SH3RF3: variants seen among roughly 807,000 people sequenced by gnomAD.
SH3RF3 encodes the protein SH3 domain containing ring finger 3.
A neutral mutation model predicts 66.3 loss-of-function variants in SH3RF3; 29 were observed. The ratio of observed to expected loss-of-function variants is 0.44; its 90% CI spans 0.33 to 0.60. The LOEUF is 0.60. SH3RF3 is among the 20% of genes least tolerant of loss of function. The probability of loss-of-function intolerance (pLI) is 0.04; values close to 1 mark genes in which losing one functional copy is unlikely to be tolerated. For missense variants in SH3RF3, 1,194 were observed against 1,190.9 expected, an observed-to-expected ratio of 1.00 and a Z score of -0.04; for synonymous variants, 583 against 532.0, an observed-to-expected ratio of 1.10 and a Z score of -1.32.
intron 8 of SH3RF3, among the ~76,000 whole-genome samples, chr2:109,459,391 A>G (rs1174419342): frequency 6.6e-6 from 1 of 152,140 alleles, no homozygotes; most frequent in Non-Finnish European, 1.5e-5. Flanking sequence ...AAAGCGCCTC[A>G]TCTGGGCATG....
intron 1 of SH3RF3, among the ~76,000 whole-genome samples, chr2:109,162,082 TCTG>T (rs1677503086): frequency 6.6e-6 from 1 of 152,190 alleles, no homozygotes; most frequent in Non-Finnish European, 1.5e-5. Context: ...ATTTGGGAAT[TCTG>T]CTGGCTGGCA....
At chr2:109,436,640 A>C (rs567003253) in intron 6 of SH3RF3, among the ~76,000 whole-genome samples, 1 of 152,372 alleles carries the variant, frequency 6.6e-6, no homozygotes, top group African/African-American at 2.4e-5. Context: ...GATTTCGTTC[A>C]GCTCATTCCT....
intron 8 of SH3RF3, among the ~76,000 whole-genome samples, chr2:109,452,794 A>C (rs1182816736): frequency 2.9e-5 from 4 of 137,856 alleles, no homozygotes; most frequent in African/African-American, 1.1e-4. Flanking sequence ...GGTCCCTGGG[A>C]GGCTGGTGCT....
intron 1 of SH3RF3, among the ~76,000 whole-genome samples, chr2:109,174,734 T>G (rs1402395011): frequency 1.3e-5 from 2 of 152,190 alleles, no homozygotes; most frequent in Non-Finnish European, 2.9e-5. Flanking sequence ...CCCAGCGTCT[T>G]TGGAGGAAAA....
intron 4 of SH3RF3, among the ~76,000 whole-genome samples, chr2:109,413,079 C>G (rs1012070532): frequency 6.6e-6 from 1 of 152,206 alleles, no homozygotes; most frequent in Non-Finnish European, 1.5e-5. Flanking sequence ...AAATCCTTAC[C>G]TGTACCTCCT....
chr2:109,275,619 G>T (rs182114154), intron 1 of SH3RF3, among the ~76,000 whole-genome samples: 1 of 152,334 alleles, frequency 6.6e-6, no homozygotes, highest in Non-Finnish European at 1.5e-5. Flanking sequence ...TTCCTGCCCT[G>T]CCTGGGGAAC....
chr2:109,286,996 G>A (rs1334073691), intron 1 of SH3RF3, among the ~76,000 whole-genome samples: 1 of 152,184 alleles, frequency 6.6e-6, no homozygotes, highest in Non-Finnish European at 1.5e-5. Context: ...GAAATGGGAC[G>A]TGCAACTGTC....
intron 1 of SH3RF3, among the ~76,000 whole-genome samples, chr2:109,331,036 T>A (rs1682270430): frequency 6.6e-6 from 1 of 152,226 alleles, no homozygotes; most frequent in Non-Finnish European, 1.5e-5. Context: ...TACTGTAGTA[T>A]CTGTTGACTT....
At chr2:109,194,507 C>T (rs1678447970) in intron 1 of SH3RF3, among the ~76,000 whole-genome samples, 1 of 152,216 alleles carries the variant, frequency 6.6e-6, no homozygotes, top group South Asian at 2.1e-4. Flanking sequence ...TGGTGCGCAT[C>T]TGAGGAGGAG....
chr2:109,307,671 G>A (rs2105416397), intron 1 of SH3RF3, among the ~76,000 whole-genome samples: 1 of 145,724 alleles, frequency 6.9e-6, no homozygotes, highest in South Asian at 2.2e-4. Context: ...AGAATATGTG[G>A]TGTTTGGTTT....
intron 1 of SH3RF3, among the ~76,000 whole-genome samples, chr2:109,157,646 A>G (rs1677379431): frequency 6.6e-6 from 1 of 152,212 alleles, no homozygotes; most frequent in Admixed American, 6.5e-5. Flanking sequence ...TAGCCACCTG[A>G]AAGGGATATA....
Position 109,212,116 on chromosome 2 carries a change from G to A in SH3RF3, c.573+82003G>A, listed in dbSNP as rs557608995. Among the ~76,000 whole-genome samples, 90 of 152,314 alleles carry A rather than the reference G, an allele frequency of 5.9e-4. 2 individuals are homozygous for A. Among genetic ancestry groups the A allele is most frequent in the Middle Eastern group, 3.4e-3 (1 of 294 alleles). On this transcript the variant is annotated intron_variant, in intron 1 of 9. Coordinates refer to ENST00000309415, the MANE Select transcript of SH3RF3 (RefSeq NM_001099289.3). ...GAATGGGTGGTTGGTGCGGCTTGCCGGGCAATGGTCCGAATCGAGCCTCTG... is the reference window on the plus strand; with the variant it reads ...GAATGGGTGGTTGGTGCGGCTTGCCAGGCAATGGTCCGAATCGAGCCTCTG...
intron 1 of SH3RF3, among the ~76,000 whole-genome samples, chr2:109,278,919 C>T (rs1412611129): frequency 2.0e-5 from 3 of 152,124 alleles, no homozygotes; most frequent in Non-Finnish European, 4.4e-5. Flanking sequence ...GTAGTACACC[C>T]GAGGCTCCGT....
At chr2:109,338,024 G>A (rs1179428501) in intron 1 of SH3RF3, among the ~76,000 whole-genome samples, 5 of 152,034 alleles carry the variant, frequency 3.3e-5, no homozygotes, top group African/African-American at 7.2e-5. Context: ...GAGCCACCGC[G>A]CCCAGGCTCC....
intron 1 of SH3RF3, among the ~76,000 whole-genome samples, chr2:109,191,992 T>TC (rs1243264852): frequency 1.3e-5 from 2 of 151,716 alleles, no homozygotes; most frequent in East Asian, 1.9e-4. Flanking sequence ...CTACAAACCC[T>TC]CCCCCTCCAC....
chr2:109,461,848 AT>A (rs1678215097), intron 8 of SH3RF3, among the ~76,000 whole-genome samples: 1 of 152,154 alleles, frequency 6.6e-6, no homozygotes, highest in South Asian at 2.1e-4. Flanking sequence ...AAAACTATCA[AT>A]TTTGGGGGTC....
chr2:109,481,026 G>A (rs752964246), intron 8 of SH3RF3, among the ~76,000 whole-genome samples: 2 of 152,224 alleles, frequency 1.3e-5, no homozygotes, highest in Non-Finnish European at 2.9e-5. Flanking sequence ...CTTCAGGCAA[G>A]AGGACACCGA....
chr2:109,320,577 C>T (rs1207117729), intron 1 of SH3RF3, among the ~76,000 whole-genome samples: 1 of 152,196 alleles, frequency 6.6e-6, no homozygotes, highest in Non-Finnish European at 1.5e-5. Context: ...CCTCTCCCCA[C>T]CTAATCAGAA....
At chr2:109,163,460 G>A (rs1461104931) in intron 1 of SH3RF3, among the ~76,000 whole-genome samples, 3 of 139,882 alleles carry the variant, frequency 2.1e-5, no homozygotes, top group Non-Finnish European at 3.1e-5. Context: ...GTGCAGTGGC[G>A]GGATCTCGGC....
Sources: gnomAD v4.1 joint callset for allele counts (sites outside exome capture counted in the v4.1 genomes callset) on GRCh38, gnomAD v4.1.1 for gene constraint, MANE v1.5 for transcripts, NCBI Gene and HGNC (gene_info 2026-07-23, HGNC 2026-07-21) for gene names.